XPOT: variants seen among roughly 807,000 people sequenced by gnomAD.
The protein encoded by XPOT is exportin for tRNA, also known as exportin-T.
XPOT carries 34 observed loss-of-function variants against 128.2 expected under a neutral mutation model. The ratio of observed to expected loss-of-function variants is 0.27; its 90% CI spans 0.20 to 0.35. The LOEUF (loss-of-function observed/expected upper bound fraction) is 0.35. Ranked by LOEUF, XPOT falls within the 10% of genes least tolerant of loss-of-function variation. XPOT has a pLI of 1.00. For missense variants in XPOT, 838 were observed against 1,125.3 expected (o/e 0.74, Z 3.65); for synonymous variants, 348 against 394.3 (o/e 0.88, Z 1.39).
Position 64,450,594 on chromosome 12 carries a change from T to C in XPOT, c.*2463T>C, listed in dbSNP as rs1257443971. ...AATAAAAATTAAACTCTTCATGTTA[T>C]ATAATCATGCATAACTTCTATCTTC... On this transcript the variant is annotated 3_prime_UTR_variant, in exon 25 of 25. Coordinates refer to ENST00000332707, the MANE Select transcript of XPOT (RefSeq NM_007235.6). 1.3e-5 allele frequency: 2 copies of C among 152,366 alleles called. No homozygotes were observed. Among genetic ancestry groups the C allele is most frequent in the East Asian group, 3.9e-4 (2 of 5,194 alleles). 9.4% of individuals were successfully genotyped at this position (152,366 alleles called of 1,614,324 possible). A position where few individuals can be genotyped will look rare whatever the true frequency, so the allele number is the denominator to read the frequency against.
chr12:64,443,708 A>G (rs562117189), intron 23 of XPOT, among the ~76,000 whole-genome samples: 7 of 150,924 alleles, frequency 4.6e-5, no homozygotes, highest in Non-Finnish European at 8.9e-5. Flanking sequence ...GGCCACTTTG[A>G]CCTCCCAAAG....
At chr12:64,431,863 T>A in intron 18 of XPOT, 40 bp downstream of exon 18, 1 of 1,585,524 alleles carries the variant, frequency 6.3e-7, no homozygotes, top group Non-Finnish European at 8.6e-7. Context: ...CTCTTGAAGA[T>A]CAGATGTATT....
At chr12:64,407,368 C>G (rs12312348) in intron 1 of XPOT, among the ~76,000 whole-genome samples, 1 of 151,894 alleles carries the variant, frequency 6.6e-6, no homozygotes, top group East Asian at 1.9e-4. Flanking sequence ...CCCCTGTAAT[C>G]TCAGCTATTT....
chr12:64,436,177 G>A (rs1041707685), intron 22 of XPOT, among the ~76,000 whole-genome samples: 4 of 152,010 alleles, frequency 2.6e-5, no homozygotes, highest in African/African-American at 4.8e-5. Context: ...GGGTGGTCTC[G>A]AACTCCTAAC....
chr12:64,429,661 G>A (rs1026783828), intron 16 of XPOT, among the ~76,000 whole-genome samples: 12 of 152,004 alleles, frequency 7.9e-5, no homozygotes, highest in African/African-American at 2.4e-4. Flanking sequence ...GGCTGGTCAC[G>A]AACTCCTGAC....
chr12:64,411,119 A>C (rs1271109954), intron 2 of XPOT, among the ~76,000 whole-genome samples: 1 of 152,236 alleles, frequency 6.6e-6, no homozygotes, highest in Non-Finnish European at 1.5e-5. Flanking sequence ...AATAATAGGA[A>C]TTGAGATTTA....
At chr12:64,436,520 A>C (rs1275853705) in intron 22 of XPOT, among the ~76,000 whole-genome samples, 1 of 151,304 alleles carries the variant, frequency 6.6e-6, no homozygotes, top group Non-Finnish European at 1.5e-5. Context: ...GATGGCATCC[A>C]AAAGTGCTGA....
intron 12 of XPOT, 36 bp downstream of exon 12, chr12:64,424,759 C>T: frequency 1.1e-5 from 18 of 1,607,980 alleles, no homozygotes; most frequent in Non-Finnish European, 1.4e-5. Flanking sequence ...AAGCCTACTT[C>T]TTTCTTTTGC....
At position 64,423,007 on chromosome 12, in the gene XPOT, T is replaced by C. The variant is rs1417004520; in HGVS notation, c.1083T>C (p.Leu361=). 3 of 1,613,158 alleles carry C rather than the reference T, an allele frequency of 1.9e-6. No individual in the cohort carries two copies. In the South Asian group the frequency reaches 3.3e-5, roughly 18 times the overall value. The change falls in exon 10 of 25, where the codon CTT becomes CTC. Residue 361 remains leucine, a splice_region_variant and synonymous_variant. Transcript: ENST00000332707. ...AGTTATTGCTTCCTTTTTAACAGCT[T>C]ACAGTGCTCTCGGATCAGCAAAAAG... is the stretch of plus-strand genomic sequence containing the variant. ...CYDYLHILKQ[L]TVLSDQQKAN...
intron 9 of XPOT, 136 bp from the exon 10 acceptor site, chr12:64,422,866 GCAC>G (rs2040152410): frequency 5.1e-6 from 1 of 196,704 alleles, no homozygotes; most frequent in African/African-American, 2.6e-5. Context: ...CTGCGCCACT[GCAC>G]TCCAGCCTGG....
intron 2 of XPOT, among the ~76,000 whole-genome samples, chr12:64,413,163 T>C (rs1422724036): frequency 1.3e-5 from 2 of 152,208 alleles, no homozygotes; most frequent in African/African-American, 4.8e-5. Flanking sequence ...CCACACCAAG[T>C]TACCTCATTA....
rs1324435210 is a variant in XPOT at position 64,445,084 on chromosome 12, C to G, written c.2815C>G (p.Gln939Glu). The change falls in exon 24 of 25, where the codon CAA (glutamine) becomes GAA (glutamate). Residue 939 changes from glutamine (Q) to glutamate (E), a missense_variant. Gln to Glu is a conservative substitution (Grantham distance 29). This residue lies in a region of XPOT where 56 missense variants were observed against 79.2 expected (regional missense o/e 0.71). Coordinates refer to ENST00000332707, the MANE Select transcript of XPOT (RefSeq NM_007235.6). ...VAPEIIQEFC[Q>E]ALQQPDAKVF... ...TTTCCCCACCCCCCAGGAGTTTTGT[C>G]AAGCGCTTCAGCAGCCTGATGCTAA... is the stretch of plus-strand genomic sequence containing the variant. The G allele has an allele frequency of 5.6e-6, 9 of 1,607,852 alleles. No homozygotes were observed. Among genetic ancestry groups the G allele is most frequent in the Non-Finnish European group, 7.6e-6 (9 of 1,177,200 alleles).
intron 24 of XPOT, among the ~76,000 whole-genome samples, 161 bp from the exon 25 acceptor site, chr12:64,447,944 A>T (rs1322818425): frequency 6.6e-6 from 1 of 152,220 alleles, no homozygotes; most frequent in Non-Finnish European, 1.5e-5. Context: ...TCTCCAGAAC[A>T]GAAAGTTCTT....
At chr12:64,406,152 T>C (rs1434750168) in intron 1 of XPOT, among the ~76,000 whole-genome samples, 1 of 152,158 alleles carries the variant, frequency 6.6e-6, no homozygotes, top group African/African-American at 2.4e-5. Flanking sequence ...CTCCGCTCAC[T>C]GCAACCTCCC....
chr12:64,439,906 A>T (rs941512044), intron 23 of XPOT, among the ~76,000 whole-genome samples: 1 of 152,230 alleles, frequency 6.6e-6, no homozygotes, highest in Non-Finnish European at 1.5e-5. Flanking sequence ...TAGAATTACA[A>T]TCTCTTATGT....
chr12:64,428,688 A>G (rs1206026047), intron 16 of XPOT, among the ~76,000 whole-genome samples: 1 of 152,190 alleles, frequency 6.6e-6, no homozygotes, highest in Non-Finnish European at 1.5e-5. Context: ...TAAAAATATA[A>G]TCCTGGAAAA....
In XPOT at chr12:64,425,176, G is replaced by A. The variant is rs2040179687; in HGVS notation, c.1446G>A (p.Met482Ile). Reference protein sequence around the residue: ...VSKASALQDMMRTLVTSGVSS... With the variant: ...VSKASALQDMIRTLVTSGVSS... ...AAGCTAGTGCTTTGCAGGATATGAT[G>A]CGAACTGTAAGTATACTGGAGATAA... Residue 482 changes from methionine (M) to isoleucine (I), a missense_variant, in exon 13 of 25, where the codon ATG becomes ATA. Met to Ile is a conservative substitution (Grantham distance 10). Transcript: ENST00000332707. 1 of 1,614,056 alleles carries A rather than the reference G, an allele frequency of 6.2e-7. No homozygotes were observed. Among genetic ancestry groups the A allele is most frequent in the Non-Finnish European group, 8.5e-7 (1 of 1,179,986 alleles).
intron 15 of XPOT, among the ~76,000 whole-genome samples, chr12:64,427,433 T>G (rs979001374): frequency 9.9e-5 from 15 of 152,120 alleles, no homozygotes; most frequent in Non-Finnish European, 1.9e-4. Context: ...CTTTTTATGT[T>G]GCCACTTCCT....
intron 8 of XPOT, among the ~76,000 whole-genome samples, chr12:64,420,835 CTG>C (rs570995057): frequency 6.1e-4 from 93 of 152,290 alleles, no homozygotes; most frequent in African/African-American, 2.2e-3. Flanking sequence ...GAGTCTCACT[CTG>C]TTGCCCAGGC....
Sources: gnomAD v4.1 joint callset for allele counts (sites outside exome capture counted in the v4.1 genomes callset) on GRCh38, gnomAD v4.1.1 for gene constraint, gnomAD v4.1.1 regional missense constraint, MANE v1.5 for transcripts, NCBI Gene and HGNC (gene_info 2026-07-23, HGNC 2026-07-21) for gene names.